The following EPB41L1 variants were observed in gnomAD, a reference collection of about 807,000 sequenced individuals.
EPB41L1 encodes the protein band 4.1-like protein 1.
Under a neutral mutation model 97.8 loss-of-function variants are expected in EPB41L1, and 29 were observed. That is an observed-to-expected ratio of 0.30 (90% confidence interval 0.22 to 0.40). The LOEUF (loss-of-function observed/expected upper bound fraction) is 0.40. EPB41L1 is among the 10% of genes least tolerant of loss of function. EPB41L1 has a pLI of 1.00. For missense variants in EPB41L1, 812 were observed against 1,162.3 expected, an observed-to-expected ratio of 0.70 and a Z score of 4.38; for synonymous variants, 383 against 459.2, an observed-to-expected ratio of 0.83 and a Z score of 2.12.
chr20:36,193,203 C>A (rs1233742920), intron 11 of EPB41L1, among the ~76,000 whole-genome samples: 2 of 152,160 alleles, frequency 1.3e-5, no homozygotes, highest in Non-Finnish European at 2.9e-5. Context: ...AGCATGGACT[C>A]TAAGCTAGGA....
intron 1 of EPB41L1, among the ~76,000 whole-genome samples, chr20:36,105,942 C>G (rs2058176311): frequency 2.0e-5 from 3 of 152,176 alleles, no homozygotes; most frequent in African/African-American, 7.2e-5. Context: ...CTCTCCTCCC[C>G]TCCTCCCCAG....
rs1163685397 is a variant in EPB41L1 at position 36,207,675 on chromosome 20, C to T, written c.1669-1813C>T. On this transcript the variant is annotated intron_variant, in intron 14 of 21. Coordinates refer to ENST00000338074, the MANE Select transcript of EPB41L1 (RefSeq NM_012156.2). This position sits in a 1 kb window ranked among gnomAD's most constrained non-coding sequence, Gnocchi z 4.9. ...TGATACCTCTGGCTACCAGACACTT[C>T]AGGGAGGACACTTCTGCATCCTACC... 7.8e-7 allele frequency: 1 copy of T among 1,290,180 alleles called. No homozygotes were observed. Among genetic ancestry groups the T allele is most frequent in the East Asian group, 5.6e-5 (1 of 18,012 alleles). The allele number at this position is 1,290,180 out of a possible 1,614,324, so 79.9% of individuals were successfully genotyped here.
intron 1 of EPB41L1, among the ~76,000 whole-genome samples, chr20:36,102,449 C>A (rs1269648294): frequency 6.6e-6 from 1 of 152,186 alleles, no homozygotes; most frequent in Non-Finnish European, 1.5e-5. Context: ...GCTGGTCTCT[C>A]ATGCCTCTCA....
At position 36,188,439 on chromosome 20, in the gene EPB41L1, C is replaced by T; in HGVS notation, c.966C>T (p.Pro322=). The part of the protein sequence containing the change: ...DRLRINRFAW[P]KILKISYKRS... ...TGAGAATCAACCGCTTTGCCTGGCC[C>T]AAGATCCTCAAGATCTCCTACAAGA... Residue 322 remains proline (P), a synonymous_variant, in exon 9 of 22, where the codon CCC becomes CCT. Coordinates refer to ENST00000338074, the MANE Select transcript of EPB41L1 (RefSeq NM_012156.2). 1 of 1,614,028 alleles carries T rather than the reference C, an allele frequency of 6.2e-7. No individual in the cohort carries two copies.
At chr20:36,100,822 G>A (rs1444239431) in intron 1 of EPB41L1, among the ~76,000 whole-genome samples, 2 of 152,148 alleles carry the variant, frequency 1.3e-5, no homozygotes, top group African/African-American at 2.4e-5. Flanking sequence ...GCTTCCAATC[G>A]AGGAATCTTC....
chr20:36,125,508 C>G, intron 2 of EPB41L1: 5 of 1,471,922 alleles, frequency 3.4e-6, no homozygotes, highest in Non-Finnish European at 4.6e-6. Flanking sequence ...AGCCTAGCAC[C>G]TACTGAGCGC....
chr20:36,092,140 AGCGCGGCGTGGAAAAGGGTGG>A lies in EPB41L1; in HGVS notation c.-65+532_-65+552del, dbSNP rs1180910006. Among the ~76,000 whole-genome samples the A allele has an allele frequency of 6.6e-6, 1 of 151,952 alleles. No individual in the cohort carries two copies. Among genetic ancestry groups the A allele is most frequent in the Non-Finnish European group, 1.5e-5 (1 of 67,952 alleles). On this transcript the variant is annotated intron_variant, in intron 1 of 19. Transcript: ENST00000202028. The surrounding 1 kb of genome is among the most constrained non-coding windows in gnomAD (Gnocchi z 7.0). ...GAGCCCTGGCCGCGGGAACAATGGG[AGCGCGGCGTGGAAAAGGGTGG>A]GCGTGGGCCAGGTCCTGGCTGGAGG...
At chr20:36,111,053 C>T (rs926366269) in intron 1 of EPB41L1, among the ~76,000 whole-genome samples, 1 of 152,126 alleles carries the variant, frequency 6.6e-6, no homozygotes, top group Non-Finnish European at 1.5e-5. Flanking sequence ...ACCTTTTGGA[C>T]AGTTGTGATA....
At chr20:36,127,855 T>G (rs1399762068) in intron 2 of EPB41L1, among the ~76,000 whole-genome samples, 3 of 152,132 alleles carry the variant, frequency 2.0e-5, no homozygotes, top group African/African-American at 7.2e-5. Context: ...AATAGGGGGT[T>G]GTAACCAGCC....
Position 36,178,616 on chromosome 20 carries a change from A to G in EPB41L1, c.448-14A>G, listed in dbSNP as rs368189581. The G allele has an allele frequency of 9.9e-5, 159 of 1,613,746 alleles. No homozygotes were observed. The African/African-American group carries it at 1.9e-3, about 19-fold the overall frequency. On this transcript the variant is annotated splice_polypyrimidine_tract_variant and intron_variant, in intron 4 of 21. Coordinates refer to ENST00000338074, the MANE Select transcript of EPB41L1 (RefSeq NM_012156.2). ...CTGCGTCTTCCCTCTGAAGATCTCT[A>G]TCTTTTCTTTTAGAACTGGCTGGAC...
rs1429500966 is a variant in EPB41L1 at position 36,190,617 on chromosome 20, T to C, written c.1125-5T>C. The C allele has an allele frequency of 6.2e-7, 1 of 1,613,970 alleles. No individual in the cohort carries two copies. The highest frequency in any genetic ancestry group is 8.5e-7 in the Non-Finnish European group (1 of 1,180,018). ...CTCCTCCTCCCCTGCATCCCTCTGC[T>C]GCAGGCTGGTGTCCCCTGAGCCCCC... On this transcript the variant is annotated splice_polypyrimidine_tract_variant and splice_region_variant and intron_variant, in intron 10 of 21. Coordinates refer to ENST00000338074, the MANE Select transcript of EPB41L1 (RefSeq NM_012156.2). This position sits in a 1 kb window ranked among gnomAD's most constrained non-coding sequence, Gnocchi z 5.8.
chr20:36,212,134 C>G lies in EPB41L1; in HGVS notation c.2080-138C>G. ...GATATCACACCACAACTCTTTTACC[C>G]TGTCCAGAGTACCCTTCCAGAGATG... On this transcript the variant is annotated intron_variant, in intron 15 of 21. Coordinates refer to ENST00000338074, the MANE Select transcript of EPB41L1 (RefSeq NM_012156.2). The surrounding 1 kb of genome is among the most constrained non-coding windows in gnomAD (Gnocchi z 4.8). 1.2e-6 allele frequency: 1 copy of G among 815,538 alleles called. No individual in the cohort carries two copies. Among genetic ancestry groups the G allele is most frequent in the South Asian group, 1.4e-5 (1 of 69,468 alleles). 50.5% of individuals were successfully genotyped at this position (815,538 alleles called of 1,614,324 possible).
intron 2 of EPB41L1, among the ~76,000 whole-genome samples, chr20:36,121,187 G>A (rs1182330066): frequency 6.6e-6 from 1 of 151,934 alleles, no homozygotes; most frequent in Non-Finnish European, 1.5e-5. Context: ...CACGGAATCT[G>A]CTGGCACCCT....
In EPB41L1 at chr20:36,139,834, C is replaced by T. The variant is rs1173334282; in HGVS notation, c.-10+27354C>T. Among the ~76,000 whole-genome samples the T allele has an allele frequency of 3.3e-5, 5 of 151,938 alleles. No homozygotes were observed. The South Asian group carries it at 6.2e-4, about 19-fold the overall frequency. ...GCAACCTCTGCCTCCTGGGTTCAAG[C>T]GATTCTCTTGCCTCAACCTCCTGAG... On this transcript the variant is annotated intron_variant, in intron 2 of 19. Coordinates refer to the EPB41L1 transcript ENST00000202028.
chr20:36,218,004 C>T (rs1433310393), intron 17 of EPB41L1, among the ~76,000 whole-genome samples: 1 of 152,094 alleles, frequency 6.6e-6, no homozygotes, highest in African/African-American at 2.4e-5. Flanking sequence ...GGCAGCTGGG[C>T]CCTGGCGCCA....
chr20:36,208,187 G>A (rs375121796), intron 14 of EPB41L1: 10 of 313,372 alleles, frequency 3.2e-5, no homozygotes, highest in African/African-American at 1.3e-4. Context: ...TGGTTCTCCC[G>A]CCTTGGGAAA....
intron 15 of EPB41L1, among the ~76,000 whole-genome samples, chr20:36,210,283 G>C (rs1228916463): frequency 6.6e-6 from 1 of 152,112 alleles, no homozygotes; most frequent in Non-Finnish European, 1.5e-5. Context: ...CCGGGCCCAG[G>C]CTTGTCTCTC....
chr20:36,112,963 C>G (rs967449179), intron 2 of EPB41L1, among the ~76,000 whole-genome samples: 3 of 152,204 alleles, frequency 2.0e-5, no homozygotes, highest in African/African-American at 7.2e-5. Context: ...TAGGGTCAGA[C>G]TAAATGACTT....
In EPB41L1 at chr20:36,162,857, C is replaced by T. The variant is rs112392448; in HGVS notation, c.-15+7961C>T. 5.8e-4 allele frequency among the ~76,000 whole-genome samples: 88 copies of T among 152,260 alleles called. 1 individual carries two copies. The highest frequency in any genetic ancestry group is 1.9e-3 in the African/African-American group (78 of 41,564). ...GTACTGCAAACCTCTGACGAATTGC[C>T]GTCTCCCCACTGCCATGTACAAATC... On this transcript the variant is annotated intron_variant, in intron 1 of 21. Coordinates refer to ENST00000338074, the MANE Select transcript of EPB41L1 (RefSeq NM_012156.2).
Sources: gnomAD v4.1 joint callset for allele counts (sites outside exome capture counted in the v4.1 genomes callset) on GRCh38, gnomAD v4.1.1 for gene constraint, Gnocchi (gnomAD v3.1) non-coding constraint, MANE v1.5 for transcripts, NCBI Gene and HGNC (gene_info 2026-07-23, HGNC 2026-07-21) for gene names.